LUZP1: variants seen among roughly 807,000 people sequenced by gnomAD.
LUZP1 encodes filamin mechanobinding actin cross-linking protein.
Under a neutral mutation model 71.3 loss-of-function variants are expected in LUZP1, and 25 were observed. That is an observed-to-expected ratio of 0.35 (90% CI 0.26 to 0.49). The LOEUF (loss-of-function observed/expected upper bound fraction) is 0.49, where lower values mean the gene tolerates loss of function less well. LUZP1 is among the 20% of genes least tolerant of loss of function. The pLI is 0.99. For synonymous variants in LUZP1, 481 were observed against 506.4 expected (o/e 0.95, Z 0.67); for missense variants, 1,142 against 1,300.8 (o/e 0.88, Z 1.88).
At chr1:23,087,129 A>C (rs1643778272) in exon 5 of LUZP1, 1 of 152,220 alleles carries the variant, frequency 6.6e-6, no homozygotes, top group African/African-American at 2.4e-5. Flanking sequence ...CTAGAACGCC[A>C]GGAGATACTG....
At chr1:23,133,930 C>T (rs1423585307) in intron 2 of LUZP1, among the ~76,000 whole-genome samples, 1 of 151,972 alleles carries the variant, frequency 6.6e-6, no homozygotes, top group African/African-American at 2.4e-5. Context: ...CAGACAAATC[C>T]GATTTATGGG....
chr1:23,088,750 C>A (rs935211959), exon 5 of LUZP1: 2 of 1,191,456 alleles, frequency 1.7e-6, no homozygotes, highest in Non-Finnish European at 2.3e-6. Flanking sequence ...GCAAAAATTA[C>A]CTGAGCCACA....
chr1:23,149,026 A>C (rs1644363225), intron 2 of LUZP1, among the ~76,000 whole-genome samples: 1 of 131,912 alleles, frequency 7.6e-6, no homozygotes, highest in East Asian at 2.6e-4. Flanking sequence ...GGCTGCAGTG[A>C]GCCATGATGG....
chr1:23,087,724 C>G (rs550194244), exon 5 of LUZP1: 1 of 152,636 alleles, frequency 6.6e-6, no homozygotes, highest in Non-Finnish European at 1.5e-5. Context: ...AATTTATTTA[C>G]GTGGCTTTCT....
intron 2 of LUZP1, among the ~76,000 whole-genome samples, chr1:23,149,013 C>T (rs143461993): frequency 5.8e-4 from 73 of 125,078 alleles, no homozygotes; most frequent in Non-Finnish European, 1.1e-3. Context: ...CCTGGGAGGT[C>T]GAGGCTGCAG....
chr1:23,090,673 T>C, intron 4 of LUZP1: 2 of 600,036 alleles, frequency 3.3e-6, no homozygotes, highest in Non-Finnish European at 3.0e-6. Context: ...TTATCTAAAA[T>C]AGGCCCAGTG....
At chr1:23,133,238 C>A (rs942646706) in intron 2 of LUZP1, among the ~76,000 whole-genome samples, 7 of 152,334 alleles carry the variant, frequency 4.6e-5, no homozygotes, top group Admixed American at 2.0e-4. Flanking sequence ...TCTAAGCTCA[C>A]AAGCATTTTT....
chr1:23,161,001 G>C (rs773801737), intron 2 of LUZP1, among the ~76,000 whole-genome samples: 6 of 152,192 alleles, frequency 3.9e-5, no homozygotes, highest in Non-Finnish European at 8.8e-5. Context: ...CAAAGAGGGA[G>C]AACTGAGCTC....
exon 5 of LUZP1, chr1:23,088,818 T>C: frequency 6.5e-7 from 1 of 1,547,042 alleles, no homozygotes; most frequent in African/African-American, 1.4e-5. Context: ...TTAACTGGCC[T>C]TGGATCCTTC....
At chr1:23,157,706 G>A (rs1311693096) in intron 2 of LUZP1, among the ~76,000 whole-genome samples, 4 of 152,054 alleles carry the variant, frequency 2.6e-5, no homozygotes, top group Admixed American at 6.6e-5. Flanking sequence ...CAGAAGAATA[G>A]CTTGAACCCA....
exon 4 of LUZP1, chr1:23,092,979 T>C (rs1182777789): frequency 6.2e-7 from 1 of 1,614,182 alleles, no homozygotes; most frequent in Non-Finnish European, 8.5e-7. Context: ...TGCCCTCCTG[T>C]TGGTGAAACT....
chr1:23,157,256 C>T (rs762407817), intron 2 of LUZP1, among the ~76,000 whole-genome samples: 4 of 152,152 alleles, frequency 2.6e-5, no homozygotes, highest in Admixed American at 6.6e-5. Flanking sequence ...TGCTAGGGCC[C>T]GGGAGTTCAA....
chr1:23,096,875 G>A (rs1193390148), intron 3 of LUZP1, among the ~76,000 whole-genome samples: 3 of 152,040 alleles, frequency 2.0e-5, no homozygotes, highest in Non-Finnish European at 4.4e-5. Context: ...TGGGAGGCTG[G>A]GGCACGATAA....
Position 23,093,382 on chromosome 1 carries a change from C to G in LUZP1, c.880G>C (p.Glu294Gln). ...ATTTGTGTCTTAAGTTTCTCAATCT[C>G]TTGGTTAAGGTCTTTGACTTTGTTG... Residue 294 changes from glutamate (E) to glutamine (Q), a missense_variant, in exon 4 of 5, where the codon GAG becomes CAG. Coordinates refer to ENST00000302291, the Ensembl canonical transcript of LUZP1. This position sits in a 1 kb window ranked among gnomAD's most constrained non-coding sequence, Gnocchi z 4.2. 6.2e-7 allele frequency: 1 copy of G among 1,613,652 alleles called. No individual in the cohort carries two copies. The highest frequency in any genetic ancestry group is 8.5e-7 in the Non-Finnish European group (1 of 1,179,940).
rs769728664 is a variant in LUZP1 at position 23,093,952 on chromosome 1, G to T, written c.310C>A (p.Arg104=). ...CGCTCAATCTCAGATTTCAGCTCCC[G>T]GGTGAGGTTTTCTTCCTCTTCAAGT... Residue 104 remains arginine, a synonymous_variant, in exon 4 of 5, where the codon CGG becomes AGG. Coordinates refer to ENST00000302291, the Ensembl canonical transcript of LUZP1. This position sits in a 1 kb window ranked among gnomAD's most constrained non-coding sequence, Gnocchi z 4.2. The T allele has an allele frequency of 6.2e-7, 1 of 1,614,100 alleles. No individual in the cohort carries two copies. The highest frequency in any genetic ancestry group is 2.2e-5 in the East Asian group (1 of 44,884).
At chr1:23,099,159 AAAG>A (rs1172002625) in intron 3 of LUZP1, among the ~76,000 whole-genome samples, 1 of 152,254 alleles carries the variant, frequency 6.6e-6, no homozygotes, top group African/African-American at 2.4e-5. Flanking sequence ...ATGTTTTTAA[AAAG>A]AAAGCTTTTC....
intron 2 of LUZP1, among the ~76,000 whole-genome samples, chr1:23,112,523 A>G (rs1411375954): frequency 3.3e-5 from 5 of 152,206 alleles, no homozygotes; most frequent in African/African-American, 1.2e-4. Flanking sequence ...TTTGTCCCCC[A>G]AACACTTTGA....
chr1:23,170,575 T>A (rs941506135), intron 1 of LUZP1, among the ~76,000 whole-genome samples: 1 of 150,312 alleles, frequency 6.7e-6, no homozygotes, highest in Admixed American at 6.7e-5. Flanking sequence ...CAAGAGATTC[T>A]CCTGCCTCAG....
intron 3 of LUZP1, among the ~76,000 whole-genome samples, chr1:23,102,750 A>T (rs1287001786): frequency 2.0e-5 from 3 of 152,146 alleles, no homozygotes; most frequent in Non-Finnish European, 2.9e-5. Flanking sequence ...GCTTGAGGCC[A>T]GGAGTTCAAG....
Sources: gnomAD v4.1 joint callset for allele counts (sites outside exome capture counted in the v4.1 genomes callset) on GRCh38, gnomAD v4.1.1 for gene constraint, Gnocchi (gnomAD v3.1) non-coding constraint, MANE v1.5 for transcripts, NCBI Gene and HGNC (gene_info 2026-07-23, HGNC 2026-07-21) for gene names.